Variants in SORCS3 observed in about 807,000 individuals in gnomAD.
SORCS3 encodes VPS10 domain-containing receptor SorCS3.
In SORCS3, 57 loss-of-function variants were observed where a neutral mutation model predicts 146.3. The observed-to-expected ratio is 0.39, with a 90% confidence interval of 0.31 to 0.49. SORCS3 has a LOEUF of 0.49. SORCS3 is among the 20% of genes least tolerant of loss of function. The pLI is 0.92. For missense variants in SORCS3, 1,341 were observed against 1,575.5 expected, an observed-to-expected ratio of 0.85 and a Z score of 2.52; for synonymous variants, 653 against 618.5, an observed-to-expected ratio of 1.06 and a Z score of -0.83.
chr10:105,099,017 G>A (rs2055765651), intron 6 of SORCS3, among the ~76,000 whole-genome samples: 1 of 152,192 alleles, frequency 6.6e-6, no homozygotes, highest in Non-Finnish European at 1.5e-5. Flanking sequence ...AGAAGGAATG[G>A]AAACTTCCTT....
Position 104,949,490 on chromosome 10 carries a change from G to T in SORCS3, c.796-27845G>T, listed in dbSNP as rs370830343. Among the ~76,000 whole-genome samples the T allele has an allele frequency of 4.5e-4, 69 of 152,278 alleles. 2 individuals carry two copies. The South Asian group carries it at 0.014, about 31-fold the overall frequency. On this transcript the variant is annotated intron_variant, in intron 3 of 26. Coordinates refer to ENST00000369701, the MANE Select transcript of SORCS3 (RefSeq NM_014978.3). ...TTCAAAGTGTGTAGTACTAAGAAAA[G>T]AAGTTAAATGTAACTTCCCTCTTCT...
intron 4 of SORCS3, among the ~76,000 whole-genome samples, chr10:105,003,996 C>CCCTTTTTTTTTTT (rs2055077480): frequency 1.2e-5 from 1 of 84,798 alleles, no homozygotes; most frequent in Non-Finnish European, 2.2e-5. Context: ...TTTCTCTTCT[C>CCCTTTTTTTTTTT]TCTCTTTTTT....
chr10:105,139,442 G>A lies in SORCS3; in HGVS notation c.1258G>A (p.Glu420Lys). Residue 420 changes from glutamate to lysine, a missense_variant, in exon 8 of 27, where the codon GAG (glutamate) becomes AAG (lysine). Coordinates refer to ENST00000369701, the MANE Select transcript of SORCS3 (RefSeq NM_014978.3). The part of the protein sequence containing the change: ...RASYYVSYRR[E>K]AFAQIKLPKY... ...CAGCTACTACGTGTCTTATCGAAGA[G>A]AGGCCTTTGCTCAGATAAAGCTGCC... The A allele has an allele frequency of 6.2e-7, 1 of 1,613,732 alleles. No individual in the cohort carries two copies. Among genetic ancestry groups the A allele is most frequent in the Middle Eastern group, 1.7e-4 (1 of 6,056 alleles).
At chr10:105,248,029 C>T (rs1002348697) in intron 22 of SORCS3, among the ~76,000 whole-genome samples, 9 of 152,206 alleles carry the variant, frequency 5.9e-5, no homozygotes, top group African/African-American at 4.8e-5. Context: ...CCACAGATTG[C>T]ACTCAGAAGG....
At chr10:104,761,165 A>G (rs759173410) in intron 1 of SORCS3, among the ~76,000 whole-genome samples, 41 of 152,162 alleles carry the variant, frequency 2.7e-4, no homozygotes, top group Non-Finnish European at 4.4e-4. Flanking sequence ...TGACCTCCCA[A>G]TCAGACCAAG....
At chr10:104,769,011 C>T (rs1050280853) in intron 1 of SORCS3, among the ~76,000 whole-genome samples, 1 of 152,222 alleles carries the variant, frequency 6.6e-6, no homozygotes, top group Admixed American at 6.5e-5. Flanking sequence ...ACACAGGCTT[C>T]ACTTTGTTTC....
chr10:104,925,212 T>C (rs1244055928), intron 3 of SORCS3, among the ~76,000 whole-genome samples: 1 of 152,244 alleles, frequency 6.6e-6, no homozygotes, highest in Non-Finnish European at 1.5e-5. Flanking sequence ...TCCAGCTTCA[T>C]CCATGTCCTT....
At chr10:104,879,816 C>T (rs1411657871) in intron 2 of SORCS3, among the ~76,000 whole-genome samples, 10 of 152,218 alleles carry the variant, frequency 6.6e-5, no homozygotes, top group Non-Finnish European at 5.9e-5. Flanking sequence ...TTCAGACCCA[C>T]GCTTCCCCTT....
At chr10:104,726,468 G>A (rs867814991) in intron 1 of SORCS3, among the ~76,000 whole-genome samples, 13 of 152,242 alleles carry the variant, frequency 8.5e-5, no homozygotes, top group South Asian at 2.1e-4. Flanking sequence ...TAAGGCCTGC[G>A]TGTGCCATGA....
chr10:104,830,673 C>T (rs1476758722), intron 1 of SORCS3, among the ~76,000 whole-genome samples: 2 of 152,190 alleles, frequency 1.3e-5, no homozygotes, highest in Non-Finnish European at 2.9e-5. Context: ...ATTTGCAGAG[C>T]CCTGGTTACC....
intron 1 of SORCS3, among the ~76,000 whole-genome samples, chr10:104,774,207 G>A (rs1033773290): frequency 6.6e-6 from 1 of 152,024 alleles, no homozygotes; most frequent in Non-Finnish European, 1.5e-5. Context: ...CCCAAATCTC[G>A]CAGCTGTCAG....
chr10:105,162,870 T>A (rs1249443354), intron 11 of SORCS3, among the ~76,000 whole-genome samples: 2 of 152,186 alleles, frequency 1.3e-5, no homozygotes, highest in Admixed American at 1.3e-4. Flanking sequence ...TTGGTAGACA[T>A]CTGTTGATCA....
intron 19 of SORCS3, among the ~76,000 whole-genome samples, chr10:105,218,748 G>T (rs944061806): frequency 2.0e-5 from 3 of 152,188 alleles, no homozygotes; most frequent in East Asian, 1.9e-4. Context: ...TGGGCGCGGT[G>T]GCTCACGCCT....
chr10:104,711,264 C>T (rs949122502), intron 1 of SORCS3, among the ~76,000 whole-genome samples: 1 of 152,156 alleles, frequency 6.6e-6, no homozygotes, highest in African/African-American at 2.4e-5. Context: ...TTGATAATTG[C>T]CCAGGGTTGC....
chr10:105,045,505 A>G (rs1257410935), intron 5 of SORCS3, among the ~76,000 whole-genome samples: 1 of 152,134 alleles, frequency 6.6e-6, no homozygotes. Flanking sequence ...AGTCATGGCA[A>G]AAGAGCTTAT....
At chr10:104,906,936 T>G (rs913167636) in intron 2 of SORCS3, among the ~76,000 whole-genome samples, 1 of 152,198 alleles carries the variant, frequency 6.6e-6, no homozygotes, top group African/African-American at 2.4e-5. Context: ...TAACTTCTAT[T>G]AGTAGTTTTA....
chr10:105,119,480 A>C (rs1282808816), intron 7 of SORCS3, among the ~76,000 whole-genome samples: 2 of 152,200 alleles, frequency 1.3e-5, no homozygotes, highest in Non-Finnish European at 2.9e-5. Flanking sequence ...TCCAGACCTC[A>C]GAATGATAGA....
intron 6 of SORCS3, among the ~76,000 whole-genome samples, chr10:105,093,196 A>G (rs1446018638): frequency 6.6e-6 from 1 of 152,194 alleles, no homozygotes; most frequent in East Asian, 1.9e-4. Context: ...ATTGGGCAGT[A>G]ATCTGGGGGA....
intron 1 of SORCS3, among the ~76,000 whole-genome samples, chr10:104,833,313 C>G (rs1294542465): frequency 6.6e-6 from 1 of 152,164 alleles, no homozygotes; most frequent in Non-Finnish European, 1.5e-5. Flanking sequence ...CCACCATGCA[C>G]GATGTTGAGA....
Sources: allele counts gnomAD v4.1 joint callset (sites outside exome capture counted in the v4.1 genomes callset), GRCh38; gene constraint gnomAD v4.1.1; transcripts MANE v1.5; gene names NCBI Gene and HGNC (gene_info 2026-07-23, HGNC 2026-07-21).